Variants in CNST observed in about 807,000 individuals in gnomAD.
CNST encodes consortin.
Under a neutral mutation model 72.4 loss-of-function variants are expected in CNST, and 39 were observed. The observed-to-expected ratio is 0.54, with a 90% confidence interval of 0.42 to 0.70. The LOEUF is 0.70. CNST is among the 30% of genes least tolerant of loss of function. CNST has a pLI of 0.00. For missense variants in CNST, 871 were observed against 868.5 expected (o/e 1.00, Z -0.04); for synonymous variants, 332 against 320.1 (o/e 1.04, Z -0.40).
rs140508220 is a variant in CNST at position 246,567,188 on chromosome 1, G to T, written c.-52+525G>T. Among the ~76,000 whole-genome samples, 196 of 152,282 alleles carry T rather than the reference G, an allele frequency of 1.3e-3. 1 individual carries two copies. The highest frequency in any genetic ancestry group is 4.5e-3 in the African/African-American group (187 of 41,572). On this transcript the variant is annotated intron_variant, in intron 1 of 10. Transcript: ENST00000366513. ...TAAAGTTAAGATTAAAAATGAAGATGTAAAAGCTTACAATTCCTTTCTAAG... is the reference window on the plus strand; with the variant it reads ...TAAAGTTAAGATTAAAAATGAAGATTTAAAAGCTTACAATTCCTTTCTAAG...
At chr1:246,605,913 G>A (rs1662751725) in intron 2 of CNST, 2 of 152,066 alleles carry the variant, frequency 1.3e-5, no homozygotes, top group East Asian at 1.9e-4. Flanking sequence ...TGGTGCAAGC[G>A]GCCTTGCGCC....
chr1:246,653,078 A>T (rs1450045522), intron 9 of CNST, among the ~76,000 whole-genome samples: 1 of 152,178 alleles, frequency 6.6e-6, no homozygotes, highest in Non-Finnish European at 1.5e-5. Context: ...TAGATTAGCA[A>T]CATTTACTTA....
chr1:246,647,033 A>C, intron 8 of CNST, 106 bp from the exon 9 acceptor site: 1 of 1,012,434 alleles, frequency 9.9e-7, no homozygotes, highest in Non-Finnish European at 1.4e-6. Context: ...TCCATTTGAA[A>C]GGGTTAGAAT....
At chr1:246,636,064 A>G (rs893721103) in intron 6 of CNST, among the ~76,000 whole-genome samples, 1 of 152,216 alleles carries the variant, frequency 6.6e-6, no homozygotes, top group Admixed American at 6.5e-5. Flanking sequence ...ATTGTCGCAT[A>G]GTGCACTTAG....
At chr1:246,629,852 C>G (rs1263268745) in intron 3 of CNST, among the ~76,000 whole-genome samples, 1 of 152,202 alleles carries the variant, frequency 6.6e-6, no homozygotes, top group African/African-American at 2.4e-5. Flanking sequence ...CTGCCTCAGC[C>G]TCCCAAGTAG....
intron 3 of CNST, among the ~76,000 whole-genome samples, chr1:246,627,081 C>A (rs1379829356): frequency 6.6e-6 from 1 of 152,232 alleles, no homozygotes; most frequent in African/African-American, 2.4e-5. Context: ...AAATCTCACC[C>A]AGATTCTTGC....
chr1:246,608,520 A>C (rs1466081605), intron 2 of CNST, among the ~76,000 whole-genome samples: 1 of 152,244 alleles, frequency 6.6e-6, no homozygotes, highest in African/African-American at 2.4e-5. Context: ...TACATAATTT[A>C]GATGCTAAAT....
chr1:246,575,841 T>A lies in CNST; in HGVS notation c.-52+9178T>A, dbSNP rs150637429. On this transcript the variant is annotated intron_variant, in intron 1 of 10. Coordinates refer to ENST00000366513, the MANE Select transcript of CNST (RefSeq NM_152609.3). ...AGAGGAAAAAAGTAATTAGCATTTT[T>A]AAAAATTCCCTATTTTTATTTCAAT... 4.4e-3 allele frequency among the ~76,000 whole-genome samples: 669 copies of A among 152,290 alleles called. 3 individuals carry two copies. Among genetic ancestry groups the A allele is most frequent in the African/African-American group, 0.015 (639 of 41,562 alleles).
At chr1:246,598,403 G>A (rs2103034889) in intron 2 of CNST, among the ~76,000 whole-genome samples, 1 of 151,930 alleles carries the variant, frequency 6.6e-6, no homozygotes. Context: ...TTATTTCCTA[G>A]GAACTTTTTA....
At chr1:246,652,779 C>T (rs7535233) in intron 9 of CNST, among the ~76,000 whole-genome samples, 5,656 of 150,834 alleles carry the variant, frequency 0.037, 341 homozygotes, top group African/African-American at 0.12. Flanking sequence ...CCAAGGCGGG[C>T]GGATCACGAG....
At chr1:246,581,938 ATTAAT>A (rs1194428212) in intron 1 of CNST, among the ~76,000 whole-genome samples, 1 of 152,214 alleles carries the variant, frequency 6.6e-6, no homozygotes, top group African/African-American at 2.4e-5. Flanking sequence ...ATTATATCTA[ATTAAT>A]TTAATGGTAT....
intron 8 of CNST, among the ~76,000 whole-genome samples, chr1:246,644,765 A>G (rs1047290866): frequency 5.9e-5 from 9 of 152,128 alleles, no homozygotes; most frequent in African/African-American, 2.2e-4. Context: ...CCCCAATCTT[A>G]TTTAGTCTCT....
chr1:246,597,004 C>T (rs1403105809), intron 2 of CNST, among the ~76,000 whole-genome samples: 1 of 152,134 alleles, frequency 6.6e-6, no homozygotes, highest in Non-Finnish European at 1.5e-5. Flanking sequence ...TTTGACTATT[C>T]TATGGACATT....
intron 10 of CNST, among the ~76,000 whole-genome samples, chr1:246,661,572 G>C (rs1432059261): frequency 1.3e-5 from 2 of 152,162 alleles, no homozygotes; most frequent in African/African-American, 2.4e-5. Context: ...CTTCGTCCTG[G>C]GCCTGTCAAA....
chr1:246,642,127 GA>G, intron 8 of CNST, 90 bp downstream of exon 8: 1 of 358,562 alleles, frequency 2.8e-6, no homozygotes, highest in South Asian at 4.0e-5. Context: ...TGCTGCAAAG[GA>G]TCTGGTTTTT....
chr1:246,595,913 T>A (rs1661847758), intron 2 of CNST, among the ~76,000 whole-genome samples: 1 of 152,328 alleles, frequency 6.6e-6, no homozygotes, highest in South Asian at 2.1e-4. Context: ...CTAATAGTCA[T>A]GTCATTCCTA....
intron 8 of CNST, among the ~76,000 whole-genome samples, chr1:246,643,005 C>T (rs564527215): frequency 6.7e-6 from 1 of 150,170 alleles, no homozygotes; most frequent in South Asian, 2.1e-4. Flanking sequence ...CCTCCCGCCT[C>T]AGTCTCTCCA....
rs1663048784 is a variant in CNST at position 246,608,214 on chromosome 1, A to G, written c.380-13215A>G. 6 of 152,232 alleles carry G rather than the reference A, an allele frequency of 3.9e-5. No individual in the cohort carries two copies. The South Asian group carries it at 1.2e-3, about 32-fold the overall frequency. 9.4% of individuals were successfully genotyped at this position (152,232 alleles called of 1,614,324 possible). A position where few individuals can be genotyped will look rare whatever the true frequency, so the allele number is the denominator to read the frequency against. ...ATTTAAATTAGCTGGGCATGGTGGC[A>G]TGTGCCTGAGGTCCCATTGACTCAA... On this transcript the variant is annotated intron_variant, in intron 2 of 10. Transcript: ENST00000366513.
chr1:246,634,161 C>A (rs553580632), intron 5 of CNST, 151 bp downstream of exon 5: 2 of 616,080 alleles, frequency 3.2e-6, no homozygotes, highest in East Asian at 2.7e-5. Context: ...ATTTTTACCA[C>A]AAGTCTATTA....
Sources: gnomAD v4.1 joint callset for allele counts (sites outside exome capture counted in the v4.1 genomes callset) on GRCh38, gnomAD v4.1.1 for gene constraint, MANE v1.5 for transcripts, NCBI Gene and HGNC (gene_info 2026-07-23, HGNC 2026-07-21) for gene names.